Variants in RRP12 observed in about 807,000 individuals in gnomAD.
RRP12 encodes ribosomal RNA processing 12 homolog.
A neutral mutation model predicts 157.3 loss-of-function variants in RRP12; 78 were observed. That is an observed-to-expected ratio of 0.50 (90% confidence interval 0.41 to 0.60). The LOEUF is 0.60. Among genes scored for constraint, RRP12 ranks in the 20% least tolerant of loss-of-function variants. RRP12 has a pLI of 0.00. For synonymous variants in RRP12, 726 were observed against 670.9 expected (o/e 1.08, Z -1.27); for missense variants, 1,521 against 1,679.9 (o/e 0.91, Z 1.65).
chr10:97,370,771 A>C lies in RRP12; in HGVS notation c.2528T>G (p.Ile843Ser). ...GTGTTCAGCTGAGAGCTTCCTCACG[A>C]TGTGTAGGAGGCACTTCAAACGGGG... ...KRPRLKCLLH[I>S]VRKLSAEHKE... is the part of the protein sequence containing the mutation. The change falls in exon 22 of 34, where the codon ATC becomes AGC. Residue 843 changes from isoleucine (I) to serine (S), a missense_variant. Ile to Ser is a moderately radical substitution (Grantham distance 142, BLOSUM62 -2). Transcript: ENST00000370992. 1 of 1,613,996 alleles carries C rather than the reference A, an allele frequency of 6.2e-7. No individual in the cohort carries two copies. Among genetic ancestry groups the C allele is most frequent in the Non-Finnish European group, 8.5e-7 (1 of 1,179,962 alleles).
At chr10:97,387,129 C>T (rs924582710) in intron 8 of RRP12, among the ~76,000 whole-genome samples, 5 of 152,110 alleles carry the variant, frequency 3.3e-5, no homozygotes, top group African/African-American at 1.2e-4. Flanking sequence ...ATATAACCTA[C>T]ACGCATCCTC....
At chr10:97,401,353 G>A (rs1366592557), upstream of RRP12, 4 of 1,276,832 alleles carry the variant, frequency 3.1e-6, no homozygotes, top group Non-Finnish European at 4.4e-6. Context: ...CGTCACTTCC[G>A]GATTCGTGTG....
Position 97,388,577 on chromosome 10 carries a change from A to G in RRP12, c.801T>C (p.Ser267=), listed in dbSNP as rs1425174925. The G allele has an allele frequency of 1.2e-6, 2 of 1,614,180 alleles. No homozygotes were observed. Among genetic ancestry groups the G allele is most frequent in the African/African-American group, 2.7e-5 (2 of 75,058 alleles). Residue 267 remains serine, a synonymous_variant, in exon 7 of 34, where the codon AGT becomes AGC. Coordinates refer to ENST00000370992, the MANE Select transcript of RRP12 (RefSeq NM_015179.4). ...QHGVCSVLKG[S]EFMFEKAPAH... ...CAGGGGCCTTTTCAAACATGAATTC[A>G]CTGCCCTTGAGGACTGAGCATACTC...
At chr10:97,356,565 G>C (rs1223643566), downstream of RRP12, 1 of 152,368 alleles carries the variant, frequency 6.6e-6, no homozygotes, top group African/African-American at 2.4e-5. Flanking sequence ...CCTGTCCTAT[G>C]GGCAAAGCCT....
At chr10:97,374,353 G>A (rs913205210) in intron 15 of RRP12, among the ~76,000 whole-genome samples, 1 of 151,984 alleles carries the variant, frequency 6.6e-6, no homozygotes, top group Admixed American at 6.6e-5. Flanking sequence ...GTAGACGTAG[G>A]GTTTCACCAT....
intron 8 of RRP12, among the ~76,000 whole-genome samples, chr10:97,387,240 G>GA (rs962504807): frequency 2.6e-5 from 4 of 151,074 alleles, no homozygotes; most frequent in African/African-American, 9.7e-5. Context: ...TAATGACAAG[G>GA]AAAAAAAACT....
chr10:97,365,758 G>A (rs1160245756), intron 29 of RRP12: 7 of 227,954 alleles, frequency 3.1e-5, no homozygotes, highest in African/African-American at 1.8e-4. Flanking sequence ...CCTTAGCCAA[G>A]TTTGCATTAA....
Position 97,371,032 on chromosome 10 carries a change from ACCT to A in RRP12, c.2390_2392del (p.Glu797del), listed in dbSNP as rs759713764. 98 of 1,613,226 alleles carry A rather than the reference ACCT, an allele frequency of 6.1e-5. No individual in the cohort carries two copies. Among genetic ancestry groups the A allele is most frequent in the Non-Finnish European group, 8.1e-5 (96 of 1,179,850 alleles). On this transcript the variant is annotated inframe_deletion, in exon 21 of 34. Coordinates refer to ENST00000370992, the MANE Select transcript of RRP12 (RefSeq NM_015179.4). ...CCCGGGGCCCTGAGGACTGGCACAC[ACCT>A]CCTCCAGCACTCGGTAGGCCTTCTT...
chr10:97,398,006 CAT>C (rs376314087), intron 2 of RRP12, among the ~76,000 whole-genome samples: 778 of 47,190 alleles, frequency 0.016, 110 homozygotes, highest in African/African-American at 0.057. Context: ...TATATATATA[CAT>C]ATATATATAT....
Position 97,366,346 on chromosome 10 carries a change from T to A in RRP12, c.3391+100A>T, listed in dbSNP as rs1843979623. 4 of 1,560,500 alleles carry A rather than the reference T, an allele frequency of 2.6e-6. No individual in the cohort carries two copies. The South Asian group carries it at 4.7e-5, about 18-fold the overall frequency. ...CCCAAACGGGCGCCTCTCAGCCCTGTCCATGGGCCTGCCATGGATGCCACC... is the reference window on the plus strand; with the variant it reads ...CCCAAACGGGCGCCTCTCAGCCCTGACCATGGGCCTGCCATGGATGCCACC... On this transcript the variant is annotated intron_variant, in intron 28 of 33. Transcript: ENST00000370992.
chr10:97,365,670 G>C (rs1301609686), intron 29 of RRP12, among the ~76,000 whole-genome samples: 1 of 151,886 alleles, frequency 6.6e-6, no homozygotes, highest in African/African-American at 2.4e-5. Flanking sequence ...GGACTCCCGG[G>C]CAATGTGAGA....
rs776667410 is a variant in RRP12 at position 97,381,447 on chromosome 10, C to G, written c.1357G>C (p.Asp453His). Residue 453 changes from aspartate to histidine, a missense_variant, in exon 12 of 34, where the codon GAC (aspartate) becomes CAC (histidine). Transcript: ENST00000370992. The part of the protein sequence containing the change: ...LKECVAPHMA[D>H]IGSVTSSASG... ...GCCGAGGAGGTCACGGAGCCAATGTCAGCCATGTGGGGAGCCACGCATTCC... is the reference window on the plus strand; with the variant it reads ...GCCGAGGAGGTCACGGAGCCAATGTGAGCCATGTGGGGAGCCACGCATTCC... 1.2e-6 allele frequency: 2 copies of G among 1,613,490 alleles called. No individual in the cohort carries two copies. Among genetic ancestry groups the G allele is most frequent in the Non-Finnish European group, 1.7e-6 (2 of 1,179,802 alleles).
At chr10:97,387,240 GA>G (rs962504807) in intron 8 of RRP12, among the ~76,000 whole-genome samples, 2 of 151,074 alleles carry the variant, frequency 1.3e-5, no homozygotes, top group Non-Finnish European at 3.0e-5. Flanking sequence ...TAATGACAAG[GA>G]AAAAAAACTG....
At chr10:97,362,643 C>T (rs1438683043) in intron 30 of RRP12, among the ~76,000 whole-genome samples, 1 of 152,126 alleles carries the variant, frequency 6.6e-6, no homozygotes, top group Non-Finnish European at 1.5e-5. Context: ...TGCCTGGGCG[C>T]AGAGAGGGGC....
At chr10:97,382,359 A>G (rs1844495996) in intron 10 of RRP12, among the ~76,000 whole-genome samples, 2 of 152,050 alleles carry the variant, frequency 1.3e-5, no homozygotes, top group Admixed American at 1.3e-4. Flanking sequence ...TTCCCAGGCT[A>G]GTCTCGACCT....
At chr10:97,360,403 A>C in intron 31 of RRP12, 143 bp downstream of exon 31, 1 of 679,652 alleles carries the variant, frequency 1.5e-6, no homozygotes, top group East Asian at 2.6e-5. Flanking sequence ...CTTGAGTGTC[A>C]TATCAGCCAA....
chr10:97,385,123 A>T (rs199844413), intron 10 of RRP12, 43 bp downstream of exon 10: 2 of 1,286,374 alleles, frequency 1.6e-6, no homozygotes, highest in South Asian at 2.7e-5. Flanking sequence ...CCCCACCTCA[A>T]CAGCCTGGAC....
chr10:97,373,647 T>G lies in RRP12; in HGVS notation c.1954A>C (p.Ser652Arg). Residue 652 changes from serine (S) to arginine (R), a missense_variant, in exon 17 of 34, where the codon AGC (serine) becomes CGC (arginine). Physicochemically the swap from Ser to Arg is moderately radical, Grantham distance 110. Coordinates refer to ENST00000370992, the MANE Select transcript of RRP12 (RefSeq NM_015179.4). ...GTGACCCTCAGGTCTGGACGCTCGC[T>G]GATGGCCATGCCCAGCGTCCGTGCC... ...GLARTLGMAI[S>R]ERPDLRVTVC... is the part of the protein sequence containing the mutation. 6.2e-7 allele frequency: 1 copy of G among 1,613,876 alleles called. No homozygotes were observed. The highest frequency in any genetic ancestry group is 8.5e-7 in the Non-Finnish European group (1 of 1,179,922).
At chr10:97,358,759 A>T (rs1422994713) in intron 32 of RRP12, 140 bp from the exon 33 acceptor site, 2 of 807,966 alleles carry the variant, frequency 2.5e-6, no homozygotes, top group Non-Finnish European at 4.2e-6. Flanking sequence ...TTGGAAGGCC[A>T]TTCAATAAGG....
Sources: gnomAD v4.1 joint callset for allele counts (sites outside exome capture counted in the v4.1 genomes callset) on GRCh38, gnomAD v4.1.1 for gene constraint, MANE v1.5 for transcripts, NCBI Gene and HGNC (gene_info 2026-07-23, HGNC 2026-07-21) for gene names.